The following EYS variants were observed in gnomAD, a reference collection of about 807,000 sequenced individuals.
EYS encodes the protein protein eyes shut homolog.
EYS carries 250 observed loss-of-function variants against 282.1 expected under a neutral mutation model. The ratio of observed to expected loss-of-function variants is 0.89; its 90% confidence interval spans 0.80 to 0.98. The LOEUF is 0.98. Ranked by LOEUF, EYS falls within the 50% of genes least tolerant of loss-of-function variation. The probability of loss-of-function intolerance (pLI) is 0.00; values close to 1 mark genes in which losing one functional copy is unlikely to be tolerated. For missense variants in EYS, 4,016 were observed against 3,709.0 expected (o/e 1.08, Z -2.15); for synonymous variants, 1,355 against 1,282.9 (o/e 1.06, Z -1.20).
At chr6:64,925,628 A>C (rs768063465) in intron 15 of EYS, among the ~76,000 whole-genome samples, 91 of 152,310 alleles carry the variant, frequency 6.0e-4, no homozygotes, top group Middle Eastern at 3.4e-3. Context: ...AGTGGTGCTT[A>C]TAGGTGAGAG....
chr6:64,607,899 A>G (rs1402366211), intron 24 of EYS, among the ~76,000 whole-genome samples: 1 of 152,090 alleles, frequency 6.6e-6, no homozygotes, highest in African/African-American at 2.4e-5. Flanking sequence ...CCTCATCATC[A>G]CCATAGGAAT....
Position 64,551,686 on chromosome 6 carries a change from G to A in EYS, c.5644+38537C>T, listed in dbSNP as rs192629808. ...TGAGTACCAAGGACCACAAGCACCC[G>A]CCACCATGCCCAGCTGATTTTTGTA... On this transcript the variant is annotated intron_variant, in intron 26 of 42. Coordinates refer to ENST00000503581, the MANE Select transcript of EYS (RefSeq NM_001142800.2). Among the ~76,000 whole-genome samples the A allele has an allele frequency of 1.9e-4, 29 of 151,826 alleles. No individual in the cohort carries two copies. In the East Asian group the frequency reaches 3.3e-3, roughly 17 times the overall value.
intron 15 of EYS, among the ~76,000 whole-genome samples, chr6:64,943,558 C>A (rs1769172868): frequency 6.6e-6 from 1 of 151,876 alleles, no homozygotes; most frequent in Admixed American, 6.6e-5. Flanking sequence ...ATCCAGAATC[C>A]ATTTACAATA....
intron 26 of EYS, among the ~76,000 whole-genome samples, chr6:64,479,323 G>A (rs1241321896): frequency 2.6e-5 from 4 of 151,848 alleles, no homozygotes; most frequent in Non-Finnish European, 4.4e-5. Context: ...TTTTGATTAC[G>A]TCACTTTACT....
Position 64,670,098 on chromosome 6 carries a change from T to G in EYS, c.3444-43853A>C, listed in dbSNP as rs113847244. 5.8e-3 allele frequency among the ~76,000 whole-genome samples: 880 copies of G among 152,076 alleles called. 3 individuals carry two copies. The highest frequency in any genetic ancestry group is 9.8e-3 in the Non-Finnish European group (669 of 68,012). On this transcript the variant is annotated intron_variant, in intron 22 of 42. Coordinates refer to ENST00000503581, the MANE Select transcript of EYS (RefSeq NM_001142800.2). Reference sequence around the variant, plus strand: ...AATCACCATAGAGATAATGCCCTGATCTCCCCGTCTCTAAGGGAAAGTAGG... The same window carrying G: ...AATCACCATAGAGATAATGCCCTGAGCTCCCCGTCTCTAAGGGAAAGTAGG...
chr6:64,047,570 A>T (rs189902042), intron 33 of EYS, among the ~76,000 whole-genome samples: 1 of 152,252 alleles, frequency 6.6e-6, no homozygotes, highest in Non-Finnish European at 1.5e-5. Flanking sequence ...GTTTAATCAC[A>T]TAAGTCTCAA....
intron 22 of EYS, among the ~76,000 whole-genome samples, chr6:64,668,493 C>T (rs1455360275): frequency 6.6e-6 from 1 of 151,324 alleles, no homozygotes; most frequent in Non-Finnish European, 1.5e-5. Flanking sequence ...TGTCTTATTT[C>T]CCTATTTATG....
chr6:65,686,281 TA>T (rs2149841070), intron 1 of EYS, among the ~76,000 whole-genome samples: 1 of 152,206 alleles, frequency 6.6e-6, no homozygotes, highest in South Asian at 2.1e-4. Flanking sequence ...TAAGAGCCCT[TA>T]ATTGATACTG....
At chr6:64,608,058 C>G (rs1766990942) in intron 24 of EYS, among the ~76,000 whole-genome samples, 1 of 152,064 alleles carries the variant, frequency 6.6e-6, no homozygotes, top group Non-Finnish European at 1.5e-5. Context: ...TTAAATCACT[C>G]TAAATATTAT....
intron 9 of EYS, among the ~76,000 whole-genome samples, chr6:65,353,129 G>A (rs1235490440): frequency 7.9e-5 from 12 of 151,538 alleles, no homozygotes; most frequent in Admixed American, 6.6e-5. Flanking sequence ...GTTTTCATAA[G>A]AGCATTTTGT....
chr6:64,542,592 C>T (rs1259043569), intron 26 of EYS, among the ~76,000 whole-genome samples: 1 of 151,906 alleles, frequency 6.6e-6, no homozygotes, highest in South Asian at 2.1e-4. Flanking sequence ...GAGCCTTGTC[C>T]CCTTTGTCAT....
intron 41 of EYS, among the ~76,000 whole-genome samples, chr6:63,745,444 C>T (rs1769188767): frequency 6.6e-6 from 1 of 152,122 alleles, no homozygotes; most frequent in Non-Finnish European, 1.5e-5. Flanking sequence ...ATGGCCCTGC[C>T]AACAACTTGA....
intron 15 of EYS, among the ~76,000 whole-genome samples, chr6:64,927,142 A>G (rs1768544383): frequency 6.6e-6 from 1 of 152,200 alleles, no homozygotes; most frequent in Non-Finnish European, 1.5e-5. Flanking sequence ...GTAACATGCT[A>G]ACTTTGTGTG....
intron 24 of EYS, among the ~76,000 whole-genome samples, chr6:64,596,215 A>G (rs890016982): frequency 1.3e-5 from 2 of 150,534 alleles, no homozygotes; most frequent in African/African-American, 4.9e-5. Context: ...CCACATCTCC[A>G]GCACTGGGGA....
intron 12 of EYS, among the ~76,000 whole-genome samples, chr6:65,259,346 T>C (rs536372): frequency 0.34 from 52,248 of 151,902 alleles, 10,531 homozygotes; most frequent in African/African-American, 0.56. Context: ...AAAAAACTGC[T>C]TCAGAGATTC....
chr6:64,759,155 GAAAAGAAAA>G (rs1027888115), intron 22 of EYS, among the ~76,000 whole-genome samples: 25 of 28,750 alleles, frequency 8.7e-4, no homozygotes, highest in Middle Eastern at 0.038. Flanking sequence ...GAAAAGAAAA[GAAAAGAAAA>G]AAAATTAGTC....
intron 31 of EYS, among the ~76,000 whole-genome samples, chr6:64,202,786 A>G (rs1056579480): frequency 7.9e-5 from 12 of 152,150 alleles, no homozygotes; most frequent in African/African-American, 2.9e-4. Flanking sequence ...TATATGAGGA[A>G]GGGTGATGTG....
chr6:65,592,827 T>C (rs1051882495), intron 2 of EYS, among the ~76,000 whole-genome samples: 2 of 152,028 alleles, frequency 1.3e-5, no homozygotes, highest in Non-Finnish European at 2.9e-5. Flanking sequence ...CCTAATGTCA[T>C]TGAGCAGTAC....
chr6:64,065,381 A>C (rs1344621737), intron 33 of EYS, among the ~76,000 whole-genome samples: 2 of 152,204 alleles, frequency 1.3e-5, no homozygotes, highest in Non-Finnish European at 2.9e-5. Context: ...TTATTACTAT[A>C]TGAAAAATTT....
Sources: allele counts gnomAD v4.1 joint callset (sites outside exome capture counted in the v4.1 genomes callset), GRCh38; gene constraint gnomAD v4.1.1; transcripts MANE v1.5; gene names NCBI Gene and HGNC (gene_info 2026-07-23, HGNC 2026-07-21).